Variants in DNAH17 observed in about 807,000 individuals in gnomAD.
DNAH17 encodes axonemal beta dynein heavy chain 17.
In DNAH17, 376 loss-of-function variants were observed where a neutral mutation model predicts 485.6. The ratio of observed to expected loss-of-function variants is 0.77; its 90% CI spans 0.71 to 0.84. The LOEUF is 0.84. DNAH17 is among the 40% of genes least tolerant of loss of function. The pLI is 0.00. For synonymous variants in DNAH17, 3,031 were observed against 2,405.9 expected, an observed-to-expected ratio of 1.26 and a Z score of -7.60; for missense variants, 6,370 against 5,839.3, an observed-to-expected ratio of 1.09 and a Z score of -2.96.
At chr17:78,465,020 C>CG in intron 56 of DNAH17, among the ~76,000 whole-genome samples, 1 of 152,366 alleles carries the variant, frequency 6.6e-6, no homozygotes, top group South Asian at 2.1e-4. Context: ...GCTGCCATCT[C>CG]GGCTCGCTGC....
intron 25 of DNAH17, among the ~76,000 whole-genome samples, chr17:78,516,652 T>C (rs1342438663): frequency 7.2e-6 from 1 of 139,468 alleles, no homozygotes; most frequent in African/African-American, 2.7e-5. Context: ...ATCACATCAC[T>C]GCACTCCAGC....
Position 78,569,435 on chromosome 17 carries a change from C to T in DNAH17, c.1137G>A (p.Val379=), listed in dbSNP as rs138719637. The T allele has an allele frequency of 6.2e-7, 1 of 1,612,384 alleles. No individual in the cohort carries two copies. Among genetic ancestry groups the T allele is most frequent in the African/African-American group, 1.3e-5 (1 of 74,914 alleles). Residue 379 remains valine, a synonymous_variant, in exon 8 of 81, where the codon GTG becomes GTA. Transcript: ENST00000389840. ...VLSGISLAVN[V]LKELYQTYDF... is the part of the protein sequence containing the mutation. Reference sequence around the variant, plus strand: ...CGTACGTCTGGTAGAGCTCCTTCAGCACATTTACAGCCAGGGAGATGCCAC... The same window carrying T: ...CGTACGTCTGGTAGAGCTCCTTCAGTACATTTACAGCCAGGGAGATGCCAC...
chr17:78,486,986 CTTTTT>C (rs200078316), intron 44 of DNAH17, among the ~76,000 whole-genome samples: 3 of 128,572 alleles, frequency 2.3e-5, no homozygotes, highest in African/African-American at 2.9e-5. Flanking sequence ...CCCCTTGGTG[CTTTTT>C]TTTTTTTTTT....
intron 73 of DNAH17, among the ~76,000 whole-genome samples, chr17:78,438,591 C>T (rs1482293087): frequency 4.7e-5 from 7 of 150,146 alleles, no homozygotes; most frequent in Non-Finnish European, 5.9e-5. Context: ...TCTGCCTCCC[C>T]GGGTTCAAGC....
intron 73 of DNAH17, among the ~76,000 whole-genome samples, chr17:78,438,826 G>C (rs1210601805): frequency 2.0e-5 from 3 of 152,034 alleles, no homozygotes; most frequent in African/African-American, 7.2e-5. Flanking sequence ...TCTCTGTTTG[G>C]GGTACTCTCG....
At chr17:78,482,074 T>A in intron 48 of DNAH17, among the ~76,000 whole-genome samples, 1 of 133,906 alleles carries the variant, frequency 7.5e-6, no homozygotes, top group Non-Finnish European at 1.5e-5. Flanking sequence ...TAGTTACTTT[T>A]TTTTTTTTTT....
At chr17:78,482,742 A>C (rs548715359) in intron 48 of DNAH17, among the ~76,000 whole-genome samples, 14 of 152,150 alleles carry the variant, frequency 9.2e-5, no homozygotes, top group Non-Finnish European at 1.9e-4. Flanking sequence ...CACATCCACT[A>C]AACAGTCCAT....
At chr17:78,477,593 G>A (rs890240392) in intron 51 of DNAH17, among the ~76,000 whole-genome samples, 6 of 152,118 alleles carry the variant, frequency 3.9e-5, no homozygotes, top group African/African-American at 1.4e-4. Flanking sequence ...TGGCCAGGCT[G>A]GTCTCGAACT....
At chr17:78,566,862 C>G in intron 10 of DNAH17, 132 bp from the exon 11 acceptor site, 4 of 1,325,044 alleles carry the variant, frequency 3.0e-6, no homozygotes, top group Non-Finnish European at 4.1e-6. Context: ...GGGGACCGCT[C>G]TACACAGTTT....
intron 48 of DNAH17, among the ~76,000 whole-genome samples, chr17:78,483,858 A>C (rs2089460839): frequency 6.6e-6 from 1 of 152,012 alleles, no homozygotes; most frequent in Admixed American, 6.6e-5. Flanking sequence ...GCACTTTGTG[A>C]GGCCAAGGCG....
At chr17:78,445,424 C>CGGG in intron 70 of DNAH17, 134 bp downstream of exon 70, 2 of 1,269,404 alleles carry the variant, frequency 1.6e-6, no homozygotes, top group Non-Finnish European at 2.1e-6. Flanking sequence ...TCCCTATGTG[C>CGGG]GGGGCCTCCT....
In DNAH17 at chr17:78,476,632, G is replaced by A. The variant is rs189793617; in HGVS notation, c.8094C>T (p.Asp2698=). Residue 2698 remains aspartate, a synonymous_variant, in exon 52 of 81, where the codon GAC becomes GAT. Coordinates refer to ENST00000389840, the MANE Select transcript of DNAH17 (RefSeq NM_173628.4). Reference sequence around the variant, plus strand: ...TATGCAATGTTTCCTGGTCTTTTTCGTCAACCATTTTGTCACCATACACTC... The same window carrying A: ...TATGCAATGTTTCCTGGTCTTTTTCATCAACCATTTTGTCACCATACACTC... ...TERVYGDKMV[D]EKDQETLHRV... is the part of the protein sequence containing the mutation. The A allele has an allele frequency of 5.9e-5, 95 of 1,611,878 alleles. No individual in the cohort carries two copies. The highest frequency in any genetic ancestry group is 2.7e-4 in the Admixed American group (16 of 59,666).
intron 25 of DNAH17, among the ~76,000 whole-genome samples, chr17:78,518,573 TCAG>T (rs1470921013): frequency 6.6e-6 from 1 of 152,186 alleles, no homozygotes; most frequent in Non-Finnish European, 1.5e-5. Flanking sequence ...CACCCCACTC[TCAG>T]CAGTTTATGG....
At chr17:78,457,643 A>C (rs1402427434) in intron 62 of DNAH17, among the ~76,000 whole-genome samples, 1 of 145,576 alleles carries the variant, frequency 6.9e-6, no homozygotes, top group Non-Finnish European at 1.5e-5. Context: ...ACAGGTGCGC[A>C]CAGCCGTGCC....
intron 37 of DNAH17, 111 bp downstream of exon 37, chr17:78,498,897 C>T (rs2090170723): frequency 1.2e-6 from 1 of 810,338 alleles, no homozygotes; most frequent in East Asian, 3.0e-5. Flanking sequence ...CCCTTCGGTG[C>T]TTGGAACGTT....
chr17:78,443,358 C>T (rs921256357), intron 71 of DNAH17, among the ~76,000 whole-genome samples: 4 of 152,192 alleles, frequency 2.6e-5, no homozygotes, highest in Admixed American at 1.3e-4. Flanking sequence ...TCCTCCAGCT[C>T]TGACCCTGGG....
chr17:78,506,715 C>T lies in DNAH17; in HGVS notation c.4803+5G>A. 1 of 1,613,856 alleles carries T rather than the reference C, an allele frequency of 6.2e-7. No individual in the cohort carries two copies. Among genetic ancestry groups the T allele is most frequent in the Non-Finnish European group, 8.5e-7 (1 of 1,179,858 alleles). ...AAACACCGGAATGCAAGGGGCCCCGCCTACCTCCACGGGGTCATTGCCATT... is the reference window on the plus strand; with the variant it reads ...AAACACCGGAATGCAAGGGGCCCCGTCTACCTCCACGGGGTCATTGCCATT... On this transcript the variant is annotated splice_donor_5th_base_variant and intron_variant, in intron 30 of 80. Coordinates refer to ENST00000389840, the MANE Select transcript of DNAH17 (RefSeq NM_173628.4).
At chr17:78,453,315 T>C in intron 65 of DNAH17, 28 bp downstream of exon 65, 1 of 1,609,462 alleles carries the variant, frequency 6.2e-7, no homozygotes, top group Non-Finnish European at 8.5e-7. Context: ...TTTACCTGGC[T>C]CAAGCCACGG....
chr17:78,426,345 C>G (rs754517796), intron 79 of DNAH17, 112 bp downstream of exon 79: 6 of 1,317,814 alleles, frequency 4.6e-6, no homozygotes, highest in Non-Finnish European at 6.0e-6. Flanking sequence ...GAGGACAGGC[C>G]CCCAGGAGCC....
Sources: allele counts gnomAD v4.1 joint callset (sites outside exome capture counted in the v4.1 genomes callset), GRCh38; gene constraint gnomAD v4.1.1; transcripts MANE v1.5; gene names NCBI Gene and HGNC (gene_info 2026-07-23, HGNC 2026-07-21).